The following GRID1 variants were observed in gnomAD, a reference collection of about 807,000 sequenced individuals.
The protein encoded by GRID1 is glutamate receptor ionotropic, delta-1.
A neutral mutation model predicts 98.0 loss-of-function variants in GRID1; 28 were observed. The observed-to-expected ratio is 0.29, with a 90% CI of 0.21 to 0.39. The LOEUF (loss-of-function observed/expected upper bound fraction) is 0.39. Among genes scored for constraint, GRID1 ranks in the 10% least tolerant of loss-of-function variants. GRID1 has a pLI of 1.00. For missense variants in GRID1, 1,111 were observed against 1,340.5 expected (o/e 0.83, Z 2.67); for synonymous variants, 553 against 538.5 (o/e 1.03, Z -0.37).
chr10:85,774,525 A>G (rs1250626234), intron 8 of GRID1, among the ~76,000 whole-genome samples: 7 of 151,110 alleles, frequency 4.6e-5, no homozygotes, highest in Admixed American at 4.6e-4. Flanking sequence ...AACTACCATC[A>G]GAGTGAACAG....
intron 4 of GRID1, among the ~76,000 whole-genome samples, chr10:86,088,514 G>C (rs1187094765): frequency 6.6e-6 from 1 of 152,202 alleles, no homozygotes; most frequent in Non-Finnish European, 1.5e-5. Context: ...GTCCCAGAGA[G>C]CATGGGGATC....
In GRID1 at chr10:86,186,333, G is replaced by T. The variant is rs61557195; in HGVS notation, c.520+20031C>A. 3.3e-3 allele frequency among the ~76,000 whole-genome samples: 499 copies of T among 152,216 alleles called. 4 individuals carry two copies. Among genetic ancestry groups the T allele is most frequent in the African/African-American group, 0.011 (472 of 41,530 alleles). The stretch of plus-strand genomic sequence containing the variant: ...GTTTTCCCAGTCAGTCTGTTCAGAG[G>T]TTTATCAATTTTATCTTCATGAAAA... On this transcript the variant is annotated intron_variant, in intron 3 of 15. Transcript: ENST00000327946.
intron 4 of GRID1, among the ~76,000 whole-genome samples, chr10:86,068,119 G>C (rs2131918652): frequency 6.6e-6 from 1 of 152,272 alleles, no homozygotes; most frequent in South Asian, 2.1e-4. Context: ...GTGGAGTATG[G>C]GAAAACGTCG....
At chr10:86,311,230 C>T (rs1381666268) in intron 2 of GRID1, among the ~76,000 whole-genome samples, 1 of 152,156 alleles carries the variant, frequency 6.6e-6, no homozygotes, top group Non-Finnish European at 1.5e-5. Context: ...TAAGAAATGT[C>T]CTTAAATCAC....
At chr10:86,216,646 T>C (rs1256854214) in intron 2 of GRID1, among the ~76,000 whole-genome samples, 2 of 152,050 alleles carry the variant, frequency 1.3e-5, no homozygotes, top group East Asian at 3.9e-4. Context: ...AACGAGAAGC[T>C]TGGGAGAAAG....
At chr10:85,892,648 G>A (rs6585985) in intron 5 of GRID1, among the ~76,000 whole-genome samples, 51,187 of 151,396 alleles carry the variant, frequency 0.34, 9,603 homozygotes, top group African/African-American at 0.51. Flanking sequence ...AAATCTTCAG[G>A]AAAAAAAGAT....
chr10:86,061,289 C>T (rs1843645124), intron 4 of GRID1, among the ~76,000 whole-genome samples: 2 of 152,208 alleles, frequency 1.3e-5, no homozygotes, highest in South Asian at 2.1e-4. Flanking sequence ...TATAGTTCCA[C>T]GTCTGCAGGG....
intron 4 of GRID1, among the ~76,000 whole-genome samples, chr10:85,984,359 C>G (rs1842583491): frequency 1.3e-5 from 2 of 152,230 alleles, no homozygotes; most frequent in South Asian, 4.1e-4. Flanking sequence ...GCCAAGCCAG[C>G]AGGCAGGGTG....
In GRID1 at chr10:85,738,926, C is replaced by T. The variant is rs1356351660; in HGVS notation, c.1234-9312G>A. ...GTTCTATATTTTGAATGGCCTGGTG[C>T]TTACATTACCATATACATTTGTCAG... On this transcript the variant is annotated intron_variant, in intron 8 of 15. Coordinates refer to ENST00000327946, the MANE Select transcript of GRID1 (RefSeq NM_017551.3). 3.9e-5 allele frequency among the ~76,000 whole-genome samples: 6 copies of T among 152,072 alleles called. No homozygotes were observed. In the East Asian group the frequency reaches 1.2e-3, roughly 29 times the overall value.
chr10:85,665,903 A>G (rs1409261880), intron 12 of GRID1, among the ~76,000 whole-genome samples: 1 of 152,170 alleles, frequency 6.6e-6, no homozygotes, highest in Non-Finnish European at 1.5e-5. Flanking sequence ...GAAGGGAGGC[A>G]CGTTGCCAGG....
intron 8 of GRID1, among the ~76,000 whole-genome samples, chr10:85,748,089 C>G (rs978755496): frequency 6.6e-6 from 1 of 152,088 alleles, no homozygotes; most frequent in African/African-American, 2.4e-5. Context: ...ACCTGCCCAC[C>G]GTGACTGTGT....
intron 4 of GRID1, among the ~76,000 whole-genome samples, chr10:86,106,828 C>A (rs543947679): frequency 6.6e-6 from 1 of 151,906 alleles, no homozygotes; most frequent in Admixed American, 6.6e-5. Context: ...AGGATGAGGC[C>A]GTTGGAGGTG....
chr10:86,222,751 A>G (rs996587691), intron 2 of GRID1, among the ~76,000 whole-genome samples: 1 of 152,164 alleles, frequency 6.6e-6, no homozygotes, highest in Admixed American at 6.5e-5. Flanking sequence ...CCATTCCCCA[A>G]GTTGGAGTGG....
In GRID1 at chr10:86,066,886, C is replaced by T. The variant is rs368319337; in HGVS notation, c.726+71933G>A. Among the ~76,000 whole-genome samples, 6 of 152,168 alleles carry T rather than the reference C, an allele frequency of 3.9e-5. No individual in the cohort carries two copies. In the East Asian group the frequency reaches 7.7e-4, roughly 20 times the overall value. On this transcript the variant is annotated intron_variant, in intron 4 of 15. Coordinates refer to ENST00000327946, the MANE Select transcript of GRID1 (RefSeq NM_017551.3). Reference sequence around the variant, plus strand: ...ACAGCCCAGAACGCTTGGTAGGGGCCGCGCCGGCACAAGCATCCCATAGGT... The same window carrying T: ...ACAGCCCAGAACGCTTGGTAGGGGCTGCGCCGGCACAAGCATCCCATAGGT...
chr10:86,205,487 G>A (rs79385455), intron 3 of GRID1, among the ~76,000 whole-genome samples: 5 of 152,272 alleles, frequency 3.3e-5, no homozygotes, highest in Admixed American at 6.5e-5. Flanking sequence ...GCAAGAACAC[G>A]TGCACTACTG....
At chr10:86,009,238 C>A (rs1043867116) in intron 4 of GRID1, among the ~76,000 whole-genome samples, 1 of 152,074 alleles carries the variant, frequency 6.6e-6, no homozygotes, top group Non-Finnish European at 1.5e-5. Context: ...GTGTTTGTTG[C>A]AGAAGAATTT....
chr10:86,079,031 G>A (rs1337731932), intron 4 of GRID1, among the ~76,000 whole-genome samples: 1 of 152,232 alleles, frequency 6.6e-6, no homozygotes, highest in Non-Finnish European at 1.5e-5. Flanking sequence ...ACAGCACTCA[G>A]AAACTGGGTA....
intron 4 of GRID1, among the ~76,000 whole-genome samples, chr10:86,067,342 A>T (rs758508352): frequency 4.6e-5 from 7 of 152,160 alleles, no homozygotes; most frequent in Non-Finnish European, 8.8e-5. Context: ...CTGCATCTCC[A>T]CCACTTTTGA....
At chr10:85,684,015 G>C (rs976630183) in intron 12 of GRID1, among the ~76,000 whole-genome samples, 10 of 152,134 alleles carry the variant, frequency 6.6e-5, no homozygotes, top group Non-Finnish European at 1.2e-4. Context: ...AAAAATTCCA[G>C]AACAGGCCAT....
Sources: allele counts gnomAD v4.1 joint callset (sites outside exome capture counted in the v4.1 genomes callset), GRCh38; gene constraint gnomAD v4.1.1; transcripts MANE v1.5; gene names NCBI Gene and HGNC (gene_info 2026-07-23, HGNC 2026-07-21).